USP25: variants seen among roughly 807,000 people sequenced by gnomAD.
The protein encoded by USP25 is ubiquitin carboxyl-terminal hydrolase 25.
A neutral mutation model predicts 158.5 loss-of-function variants in USP25; 85 were observed. That is an observed-to-expected ratio of 0.54 (90% confidence interval 0.45 to 0.64). The LOEUF is 0.64. Ranked by LOEUF, USP25 falls within the 30% of genes least tolerant of loss-of-function variation. The pLI, the probability that USP25 is intolerant of heterozygous loss-of-function variation, is 0.00. For missense variants in USP25, 1,242 were observed against 1,327.3 expected (o/e 0.94, Z 1.00); for synonymous variants, 464 against 460.4 (o/e 1.01, Z -0.10).
intron 19 of USP25, 112 bp from the exon 20 acceptor site, chr21:15,849,665 A>C: frequency 1.2e-6 from 1 of 812,128 alleles, no homozygotes; most frequent in Admixed American, 3.3e-5. Context: ...TTGGTATTAA[A>C]AGTGCAACAT....
chr21:15,781,580 C>T (rs1188504329), intron 4 of USP25, among the ~76,000 whole-genome samples: 1 of 151,958 alleles, frequency 6.6e-6, no homozygotes, highest in East Asian at 1.9e-4. Flanking sequence ...GAGGAAATGC[C>T]CTGGAGAGTA....
intron 20 of USP25, among the ~76,000 whole-genome samples, chr21:15,853,416 T>C (rs557398659): frequency 6.6e-6 from 1 of 152,186 alleles, no homozygotes; most frequent in Admixed American, 6.5e-5. Flanking sequence ...TTCTTGTATC[T>C]TACCCTCTTT....
rs1213384451 is a variant in USP25 at position 15,878,593 on chromosome 21, C to G, written c.*118C>G. On this transcript the variant is annotated 3_prime_UTR_variant, in exon 26 of 26. Coordinates refer to ENST00000400183, the MANE Select transcript of USP25 (RefSeq NM_001283041.3). ...TTTTAACTTTTTTTTATTTTAATAA[C>G]TGCAAAAGACAAAATGACTATACAG... The G allele has an allele frequency of 3.2e-5, 35 of 1,106,800 alleles. No individual in the cohort carries two copies. The highest frequency in any genetic ancestry group is 4.3e-5 in the Non-Finnish European group (35 of 815,370). The allele number at this position is 1,106,800 out of a possible 1,614,324, so 68.6% of individuals were successfully genotyped here. A position where few individuals can be genotyped will look rare whatever the true frequency, so the allele number is the denominator to read the frequency against.
At chr21:15,874,377 TTA>T (rs1419636802) in intron 23 of USP25, 24 bp from the exon 24 acceptor site, 1 of 1,571,698 alleles carries the variant, frequency 6.4e-7, no homozygotes, top group Admixed American at 1.8e-5. Flanking sequence ...AATACTAATG[TTA>T]TATGTTTCTT....
chr21:15,877,926 A>C lies in USP25; in HGVS notation c.3140A>C (p.Lys1047Thr), dbSNP rs1386548541. The stretch of plus-strand genomic sequence containing the variant: ...TTACTGGTGGATGAAATGGAAGAAA[A>C]GGATATACTAGCTGTAGAAGATATG... The part of the protein sequence containing the change: ...PLLLVDEMEE[K>T]DILAVEDMRN... The change falls in exon 25 of 26, where the codon AAG becomes ACG. Residue 1047 changes from lysine (K) to threonine (T), a missense_variant. By Grantham distance (78) the Lys-to-Thr change is moderately conservative. This residue lies in a region of USP25 where 608 missense variants were observed against 605.2 expected (regional missense o/e 1.00). Transcript: ENST00000400183. 6 of 1,613,764 alleles carry C rather than the reference A, an allele frequency of 3.7e-6. No homozygotes were observed. Among genetic ancestry groups the C allele is most frequent in the Non-Finnish European group, 5.1e-6 (6 of 1,179,796 alleles).
chr21:15,853,578 G>A (rs1871060663), intron 20 of USP25, among the ~76,000 whole-genome samples: 1 of 151,986 alleles, frequency 6.6e-6, no homozygotes, highest in Non-Finnish European at 1.5e-5. Flanking sequence ...CTTACCCAAA[G>A]TTATATAAAT....
At chr21:15,752,986 C>A (rs2033133020) in intron 1 of USP25, among the ~76,000 whole-genome samples, 3 of 152,364 alleles carry the variant, frequency 2.0e-5, no homozygotes, top group African/African-American at 7.2e-5. Context: ...ATAAACAACT[C>A]TTCAAGAGAA....
intron 4 of USP25, among the ~76,000 whole-genome samples, chr21:15,779,163 C>T (rs1029744684): frequency 6.6e-6 from 1 of 151,934 alleles, no homozygotes; most frequent in African/African-American, 2.4e-5. Flanking sequence ...CTATTGTCCC[C>T]CTCATTAGTT....
intron 17 of USP25, among the ~76,000 whole-genome samples, chr21:15,842,011 G>A (rs946473374): frequency 6.6e-6 from 1 of 152,180 alleles, no homozygotes; most frequent in Non-Finnish European, 1.5e-5. Flanking sequence ...GGAAGATGCT[G>A]TGGCCAGAGA....
In USP25 at chr21:15,766,850, A is replaced by T. The variant is rs953663580; in HGVS notation, c.268+709A>T. 1.3e-5 allele frequency among the ~76,000 whole-genome samples: 2 copies of T among 152,096 alleles called. No individual in the cohort carries two copies. The highest frequency in any genetic ancestry group is 1.3e-4 in the Admixed American group (2 of 15,238). On this transcript the variant is annotated intron_variant, in intron 3 of 25. Coordinates refer to ENST00000400183, the MANE Select transcript of USP25 (RefSeq NM_001283041.3). The surrounding 1 kb of genome is among the most constrained non-coding windows in gnomAD (Gnocchi z 4.0). ...ATGCCTTATGGATTTGCAAAGTTTG[A>T]TTATTAACATATATTTGGAGAGAAT...
Position 15,874,500 on chromosome 21 carries a change from T to A in USP25, c.2983T>A (p.Ser995Thr). ...CAGAGGACATGATGAAGAATTGATA[T>A]CACATTATAGAAGAGAATGTTTGCT... ...LYRGHDEELI[S>T]HYRRECLLKL... Residue 995 changes from serine to threonine, a missense_variant, in exon 24 of 26, where the codon TCA becomes ACA. Physicochemically the swap from Ser to Thr is moderately conservative, Grantham distance 58. Coordinates refer to ENST00000400183, the MANE Select transcript of USP25 (RefSeq NM_001283041.3). The A allele has an allele frequency of 1.2e-6, 2 of 1,607,720 alleles. No individual in the cohort carries two copies. Among genetic ancestry groups the A allele is most frequent in the Admixed American group, 1.7e-5 (1 of 58,088 alleles).
chr21:15,787,513 T>G (rs2035345842), intron 4 of USP25, among the ~76,000 whole-genome samples: 1 of 152,004 alleles, frequency 6.6e-6, no homozygotes, highest in East Asian at 1.9e-4. Flanking sequence ...GTACAAGAAC[T>G]TCCAGGAAGA....
intron 1 of USP25, among the ~76,000 whole-genome samples, chr21:15,746,190 C>A (rs906777248): frequency 1.3e-5 from 2 of 152,090 alleles, no homozygotes; most frequent in African/African-American, 4.8e-5. Flanking sequence ...TTTCCATATA[C>A]AATTCTGAGG....
At chr21:15,785,384 A>G (rs1368825008) in intron 4 of USP25, among the ~76,000 whole-genome samples, 2 of 152,224 alleles carry the variant, frequency 1.3e-5, no homozygotes, top group Non-Finnish European at 2.9e-5. Context: ...CATTTACAGA[A>G]CATGAACAGC....
intron 5 of USP25, among the ~76,000 whole-genome samples, chr21:15,793,595 G>A (rs2035710258): frequency 6.6e-6 from 1 of 151,462 alleles, no homozygotes; most frequent in African/African-American, 2.4e-5. Flanking sequence ...ACATAGGCAA[G>A]TATAAGAGGG....
intron 4 of USP25, among the ~76,000 whole-genome samples, chr21:15,787,902 A>ACCCCCCCCC (rs5842545): frequency 2.4e-4 from 20 of 83,688 alleles, no homozygotes; most frequent in Non-Finnish European, 3.9e-4. Context: ...ACACCCCCTC[A>ACCCCCCCCC]CCCCCCCCCC....
chr21:15,800,052 C>A (rs2036054310), intron 6 of USP25, among the ~76,000 whole-genome samples: 1 of 151,008 alleles, frequency 6.6e-6, no homozygotes, highest in Non-Finnish European at 1.5e-5. Context: ...CAGTAATATG[C>A]CAATTTTTGG....
At chr21:15,741,018 C>T (rs1238506271) in intron 1 of USP25, among the ~76,000 whole-genome samples, 1 of 152,056 alleles carries the variant, frequency 6.6e-6, no homozygotes, top group Non-Finnish European at 1.5e-5. Flanking sequence ...CCTGTATCAC[C>T]TTTCTCATTA....
chr21:15,795,795 G>A (rs2035833274), intron 5 of USP25, among the ~76,000 whole-genome samples: 1 of 151,456 alleles, frequency 6.6e-6, no homozygotes, highest in African/African-American at 2.4e-5. Context: ...GGGTTTAATT[G>A]TTCTGTACAT....
Sources: gnomAD v4.1 joint callset for allele counts (sites outside exome capture counted in the v4.1 genomes callset) on GRCh38, gnomAD v4.1.1 for gene constraint, gnomAD v4.1.1 regional missense constraint, Gnocchi (gnomAD v3.1) non-coding constraint, MANE v1.5 for transcripts, NCBI Gene and HGNC (gene_info 2026-07-23, HGNC 2026-07-21) for gene names.